The following ELAVL2 variants were observed in gnomAD, a reference collection of about 807,000 sequenced individuals.
The protein encoded by ELAVL2 is ELAV-like protein 2.
In ELAVL2, 4 loss-of-function variants were observed where a neutral mutation model predicts 34.6. The ratio of observed to expected loss-of-function variants is 0.12; its 90% confidence interval spans 0.06 to 0.26. The LOEUF is 0.26. Ranked by LOEUF, ELAVL2 falls within the 10% of genes least tolerant of loss-of-function variation. ELAVL2 has a pLI of 1.00. For synonymous variants in ELAVL2, 193 were observed against 154.8 expected, an observed-to-expected ratio of 1.25 and a Z score of -1.83; for missense variants, 432 against 442.8, an observed-to-expected ratio of 0.98 and a Z score of 0.22.
intron 1 of ELAVL2, among the ~76,000 whole-genome samples, chr9:23,784,037 A>C (rs999939022): frequency 1.3e-5 from 2 of 152,126 alleles, no homozygotes; most frequent in African/African-American, 4.8e-5. Context: ...TACTAAAAAA[A>C]ATACAAAAAA....
At chr9:23,807,990 G>A (rs796936214) in intron 1 of ELAVL2, among the ~76,000 whole-genome samples, 5 of 152,160 alleles carry the variant, frequency 3.3e-5, no homozygotes, top group African/African-American at 1.2e-4. Flanking sequence ...TCGGTTTCTC[G>A]TAAAAAATAT....
intron 1 of ELAVL2, among the ~76,000 whole-genome samples, chr9:23,769,027 C>T (rs1233166677): frequency 1.3e-5 from 2 of 152,122 alleles, no homozygotes; most frequent in African/African-American, 4.8e-5. Flanking sequence ...GGTCTCTACA[C>T]TTATTTGCAA....
At chr9:23,761,358 G>C (rs2054952328) in intron 2 of ELAVL2, among the ~76,000 whole-genome samples, 1 of 151,854 alleles carries the variant, frequency 6.6e-6, no homozygotes, top group Non-Finnish European at 1.5e-5. Flanking sequence ...TTAGGTTTTG[G>C]TTTACTCTAA....
chr9:23,828,778 T>C (rs1409873043), upstream of ELAVL2, among the ~76,000 whole-genome samples: 2 of 152,228 alleles, frequency 1.3e-5, no homozygotes, highest in Admixed American at 6.5e-5. Flanking sequence ...CAGATGTTTT[T>C]ACATTTTAAA....
chr9:23,802,586 C>A (rs2137701684), intron 1 of ELAVL2, among the ~76,000 whole-genome samples: 1 of 152,280 alleles, frequency 6.6e-6, no homozygotes, highest in Non-Finnish European at 1.5e-5. Flanking sequence ...CCCTGCCTTC[C>A]AAGAATCCAT....
intron 1 of ELAVL2, among the ~76,000 whole-genome samples, chr9:23,786,553 A>T (rs1193606087): frequency 6.6e-6 from 1 of 152,182 alleles, no homozygotes; most frequent in Non-Finnish European, 1.5e-5. Context: ...TATTAAAAAT[A>T]GAAAGACAGT....
chr9:23,704,307 G>C (rs1250475952), intron 4 of ELAVL2, among the ~76,000 whole-genome samples: 2 of 152,008 alleles, frequency 1.3e-5, no homozygotes, highest in South Asian at 4.2e-4. Context: ...TATTGCTATA[G>C]CTTTGTTAAC....
At chr9:23,697,197 T>C (rs1332148645) in intron 5 of ELAVL2, among the ~76,000 whole-genome samples, 2 of 152,050 alleles carry the variant, frequency 1.3e-5, no homozygotes, top group East Asian at 3.9e-4. Flanking sequence ...AAAAGTAACT[T>C]AAAAAAAGAT....
At chr9:23,705,385 G>A (rs1341088734) in intron 3 of ELAVL2, among the ~76,000 whole-genome samples, 8 of 152,174 alleles carry the variant, frequency 5.3e-5, no homozygotes, top group Non-Finnish European at 8.8e-5. Context: ...ATGGGTCTGG[G>A]ATCAATTTGC....
intron 5 of ELAVL2, among the ~76,000 whole-genome samples, chr9:23,698,739 G>A (rs570320531): frequency 3.9e-5 from 6 of 152,134 alleles, no homozygotes; most frequent in Admixed American, 1.3e-4. Flanking sequence ...TCTTTATCAG[G>A]TGAAAGAAGA....
chr9:23,730,880 G>A, intron 3 of ELAVL2, 142 bp downstream of exon 3: 1 of 712,696 alleles, frequency 1.4e-6, no homozygotes, highest in Non-Finnish European at 2.2e-6. Context: ...CTTCCATCTT[G>A]CAACAAACAC....
chr9:23,757,473 G>C (rs990402192), intron 2 of ELAVL2, among the ~76,000 whole-genome samples: 8 of 151,878 alleles, frequency 5.3e-5, no homozygotes, highest in East Asian at 1.9e-4. Flanking sequence ...ATGATGTTTG[G>C]GGCAAAGAAG....
At chr9:23,735,134 A>T (rs559758851) in intron 2 of ELAVL2, 3 of 135,024 alleles carry the variant, frequency 2.2e-5, no homozygotes, top group African/African-American at 8.5e-5. Flanking sequence ...AAAAGCCCTT[A>T]AGAAAAACAA....
intron 1 of ELAVL2, among the ~76,000 whole-genome samples, chr9:23,778,204 C>T (rs1410692555): frequency 6.6e-6 from 1 of 152,062 alleles, no homozygotes; most frequent in East Asian, 1.9e-4. Context: ...AAATAAATCA[C>T]GTGCGAGGTT....
chr9:23,749,643 G>C (rs548510854), intron 2 of ELAVL2, among the ~76,000 whole-genome samples: 45 of 152,144 alleles, frequency 3.0e-4, no homozygotes, highest in Non-Finnish European at 5.4e-4. Context: ...ATTTCTTTTT[G>C]CATGATGCAA....
intron 1 of ELAVL2, among the ~76,000 whole-genome samples, chr9:23,772,945 T>G (rs1170467229): frequency 6.6e-6 from 1 of 152,116 alleles, no homozygotes; most frequent in African/African-American, 2.4e-5. Context: ...CTCTGCCTCT[T>G]GCTCCCCCAA....
chr9:23,846,894 C>T, the ELAVL2 span, among the ~76,000 whole-genome samples: 1 of 151,792 alleles, frequency 6.6e-6, no homozygotes, highest in African/African-American at 2.4e-5. Flanking sequence ...ATTTGATTGT[C>T]ATTTTGTTTG....
At chr9:23,705,219 T>C in intron 3 of ELAVL2, 148 bp from the exon 4 acceptor site, 1 of 866,224 alleles carries the variant, frequency 1.2e-6, no homozygotes, top group Non-Finnish European at 1.7e-6. Flanking sequence ...TTTATTCATT[T>C]CCAGGAAAAT....
At chr9:23,826,761 T>C (rs2138709201), upstream of ELAVL2, among the ~76,000 whole-genome samples, 1 of 152,344 alleles carries the variant, frequency 6.6e-6, no homozygotes, top group East Asian at 1.9e-4. Flanking sequence ...GTATGAGTCA[T>C]TGAGAGCTCC....
Sources: allele counts gnomAD v4.1 joint callset (sites outside exome capture counted in the v4.1 genomes callset), GRCh38; gene constraint gnomAD v4.1.1; transcripts MANE v1.5; gene names NCBI Gene and HGNC (gene_info 2026-07-23, HGNC 2026-07-21).